The following B3GALT1 variants were observed in gnomAD, a reference collection of about 807,000 sequenced individuals.
The protein encoded by B3GALT1 is UDP-Gal:betaGlcNAc beta 1,3-galactosyltransferase, polypeptide 1.
In B3GALT1, 10 loss-of-function variants were observed where a neutral mutation model predicts 23.2. The observed-to-expected ratio is 0.43, with a 90% CI of 0.27 to 0.73. B3GALT1 has a LOEUF of 0.73. B3GALT1 is among the 30% of genes least tolerant of loss of function. B3GALT1 has a pLI of 0.21. For missense variants in B3GALT1, 299 were observed against 405.4 expected (o/e 0.74, Z 2.25); for synonymous variants, 156 against 141.5 (o/e 1.10, Z -0.73).
intron 3 of B3GALT1, among the ~76,000 whole-genome samples, chr2:167,743,192 T>G (rs537657963): frequency 6.6e-6 from 1 of 152,276 alleles, no homozygotes; most frequent in South Asian, 2.1e-4. Flanking sequence ...TTTTCCTTTT[T>G]TGTTATAACA....
intron 3 of B3GALT1, chr2:167,714,080 C>G (rs1687105239): frequency 6.5e-7 from 1 of 1,533,276 alleles, no homozygotes; most frequent in African/African-American, 1.4e-5. Context: ...GGCATCATTT[C>G]TAGTGGATTC....
intron 1 of B3GALT1, among the ~76,000 whole-genome samples, chr2:167,472,037 C>T (rs1161017405): frequency 2.6e-5 from 4 of 152,180 alleles, no homozygotes; most frequent in African/African-American, 9.6e-5. Flanking sequence ...GTTCCTCTTA[C>T]AGTTTTGCAG....
chr2:167,792,546 A>G (rs1442501252), intron 3 of B3GALT1, among the ~76,000 whole-genome samples: 1 of 152,224 alleles, frequency 6.6e-6, no homozygotes, highest in Non-Finnish European at 1.5e-5. Flanking sequence ...TTGAGGGATA[A>G]GTAGGAGCCA....
At chr2:167,734,211 A>G (rs887063733) in intron 3 of B3GALT1, among the ~76,000 whole-genome samples, 1 of 152,174 alleles carries the variant, frequency 6.6e-6, no homozygotes, top group Non-Finnish European at 1.5e-5. Flanking sequence ...TCTGCAGAAG[A>G]AACTCCCTAT....
chr2:167,468,568 C>T (rs1055660080), intron 1 of B3GALT1, among the ~76,000 whole-genome samples: 7 of 152,128 alleles, frequency 4.6e-5, no homozygotes, highest in Non-Finnish European at 1.0e-4. Flanking sequence ...TGTCTGACAT[C>T]ATATTTAATT....
intron 1 of B3GALT1, among the ~76,000 whole-genome samples, chr2:167,444,502 T>A (rs576450618): frequency 1.7e-4 from 26 of 152,326 alleles, no homozygotes; most frequent in Non-Finnish European, 2.8e-4. Flanking sequence ...GGTCCTGGAC[T>A]TTTTTTGGTT....
Position 167,588,012 on chromosome 2 carries a change from T to C in B3GALT1, c.-409-58897T>C, listed in dbSNP as rs145478606. Among the ~76,000 whole-genome samples the C allele has an allele frequency of 3.9e-4, 60 of 152,258 alleles. 2 individuals are homozygous for C. The highest frequency in any genetic ancestry group is 1.4e-3 in the African/African-American group (57 of 41,552). Reference sequence around the variant, plus strand: ...TGGAAACTGAGTGTACTGTTAAATATTTGAGAACTAGAAATTGACTGGCAC... The same window carrying C: ...TGGAAACTGAGTGTACTGTTAAATACTTGAGAACTAGAAATTGACTGGCAC... On this transcript the variant is annotated intron_variant, in intron 2 of 4. Transcript: ENST00000392690.
intron 2 of B3GALT1, among the ~76,000 whole-genome samples, chr2:167,609,492 C>T (rs894146670): frequency 3.3e-5 from 5 of 152,066 alleles, no homozygotes; most frequent in African/African-American, 9.7e-5. Context: ...TTCTCTCTTC[C>T]GCTCTACCAC....
chr2:167,375,978 C>T (rs747777625), intron 1 of B3GALT1, among the ~76,000 whole-genome samples: 12 of 152,146 alleles, frequency 7.9e-5, no homozygotes, highest in Non-Finnish European at 1.3e-4. Flanking sequence ...ATGGCTCTTA[C>T]TACTTTGAGG....
At chr2:167,782,082 A>G (rs2105320595) in intron 3 of B3GALT1, among the ~76,000 whole-genome samples, 1 of 152,268 alleles carries the variant, frequency 6.6e-6, no homozygotes, top group East Asian at 1.9e-4. Flanking sequence ...GAAGCCAGAG[A>G]TAAGAGACCA....
intron 2 of B3GALT1, among the ~76,000 whole-genome samples, chr2:167,636,875 A>G (rs544755399): frequency 6.6e-6 from 1 of 152,080 alleles, no homozygotes; most frequent in East Asian, 1.9e-4. Context: ...TAGGAGAAAT[A>G]CCTAATGTAG....
intron 3 of B3GALT1, among the ~76,000 whole-genome samples, chr2:167,672,674 G>A (rs1387486658): frequency 6.6e-6 from 1 of 152,070 alleles, no homozygotes; most frequent in Non-Finnish European, 1.5e-5. Context: ...CTTACCTTTA[G>A]GGTTGTAATA....
At chr2:167,376,270 G>A (rs1697761232) in intron 1 of B3GALT1, among the ~76,000 whole-genome samples, 1 of 152,010 alleles carries the variant, frequency 6.6e-6, no homozygotes, top group Admixed American at 6.6e-5. Flanking sequence ...AGGATCTTGT[G>A]GCTATGTTCA....
At chr2:167,596,698 T>A (rs1684779570) in intron 2 of B3GALT1, among the ~76,000 whole-genome samples, 1 of 152,164 alleles carries the variant, frequency 6.6e-6, no homozygotes, top group Non-Finnish European at 1.5e-5. Context: ...CCTAATACCC[T>A]TAAATAATAA....
chr2:167,873,355 T>C lies in B3GALT1; in HGVS notation c.*3335T>C, dbSNP rs1690387354. On this transcript the variant is annotated 3_prime_UTR_variant, in exon 5 of 5. Coordinates refer to ENST00000392690, the MANE Select transcript of B3GALT1 (RefSeq NM_020981.4). ...ATATTGTATTTTTAAATAACCAGAA[T>C]CAACAAAGCGAAGATCACTTTTAAT... 6.6e-6 allele frequency: 1 copy of C among 152,134 alleles called. No individual in the cohort carries two copies. Among genetic ancestry groups the C allele is most frequent in the African/African-American group, 2.4e-5 (1 of 41,424 alleles). The allele number at this position is 152,134 out of a possible 1,614,324, so 9.4% of individuals were successfully genotyped here. A position where few individuals can be genotyped will look rare whatever the true frequency, so the allele number is the denominator to read the frequency against.
At chr2:167,774,503 T>G (rs1426705223) in intron 3 of B3GALT1, among the ~76,000 whole-genome samples, 3 of 125,810 alleles carry the variant, frequency 2.4e-5, no homozygotes, top group Non-Finnish European at 3.2e-5. Context: ...TTTTGTTTTT[T>G]TTTTTTTTTT....
intron 1 of B3GALT1, among the ~76,000 whole-genome samples, chr2:167,297,519 G>A (rs1367723496): frequency 6.6e-6 from 1 of 151,938 alleles, no homozygotes; most frequent in Non-Finnish European, 1.5e-5. Flanking sequence ...AAGTAAGCTT[G>A]TCTTTAATTA....
At chr2:167,742,044 C>T (rs1482400587) in intron 3 of B3GALT1, among the ~76,000 whole-genome samples, 1 of 152,174 alleles carries the variant, frequency 6.6e-6, no homozygotes, top group Non-Finnish European at 1.5e-5. Flanking sequence ...ACTCTAACGA[C>T]TCCAAATGAC....
intron 3 of B3GALT1, among the ~76,000 whole-genome samples, chr2:167,788,281 C>T (rs1379758762): frequency 1.2e-5 from 1 of 86,000 alleles, no homozygotes; most frequent in Non-Finnish European, 2.5e-5. Context: ...TGGGTGGGGG[C>T]GGGGGGGTGT....
Sources: allele counts gnomAD v4.1 joint callset (sites outside exome capture counted in the v4.1 genomes callset), GRCh38; gene constraint gnomAD v4.1.1; transcripts MANE v1.5; gene names NCBI Gene and HGNC (gene_info 2026-07-23, HGNC 2026-07-21).